The following CPT1B variants were observed in gnomAD, a reference collection of about 807,000 sequenced individuals.
The protein encoded by CPT1B is carnitine O-palmitoyltransferase 1, muscle isoform.
CPT1B carries 57 observed loss-of-function variants against 92.7 expected under a neutral mutation model. The observed-to-expected ratio is 0.62, with a 90% CI of 0.50 to 0.77. The LOEUF (loss-of-function observed/expected upper bound fraction) is 0.77, where lower values mean the gene tolerates loss of function less well. Among genes scored for constraint, CPT1B ranks in the 30% least tolerant of loss-of-function variants. The pLI, the probability that CPT1B is intolerant of heterozygous loss-of-function variation, is 0.00. For synonymous variants in CPT1B, 398 were observed against 383.5 expected, an observed-to-expected ratio of 1.04 and a Z score of -0.44; for missense variants, 983 against 1,017.4, an observed-to-expected ratio of 0.97 and a Z score of 0.46.
In CPT1B at chr22:50,576,611, C is replaced by T. The variant is rs202135722; in HGVS notation, c.486G>A (p.Arg162=). 2.4e-4 allele frequency: 391 copies of T among 1,609,886 alleles called. No homozygotes were observed. Among genetic ancestry groups the T allele is most frequent in the Non-Finnish European group, 3.0e-4 (352 of 1,178,342 alleles). The change falls in exon 5 of 20, where the codon CGG becomes CGA. Residue 162 remains arginine, a synonymous_variant. Transcript: ENST00000312108. ...WAMCIRLLSS[R]HPMLYSFQTS... ...TCTGGAAGCTGTAGAGCATAGGGTGCCGGCTGGATAGAAGGCGGATACACA... is the reference window on the plus strand; with the variant it reads ...TCTGGAAGCTGTAGAGCATAGGGTGTCGGCTGGATAGAAGGCGGATACACA...
chr22:50,575,914 C>T, intron 7 of CPT1B, 121 bp downstream of exon 7: 1 of 899,814 alleles, frequency 1.1e-6, no homozygotes, highest in South Asian at 1.5e-5. Context: ...AGGCCTCACT[C>T]CATAACCCCC....
rs188955785 is a variant in CPT1B, at chr22:50,573,506, C to T, written c.1166+14G>A. On this transcript the variant is annotated intron_variant, in intron 10 of 19. Coordinates refer to ENST00000312108, the MANE Select transcript of CPT1B (RefSeq NM_152246.3). The surrounding 1 kb of genome is among the most constrained non-coding windows in gnomAD (Gnocchi z 5.0). ...AACTCAGGGTGGGGACAGTCCCTTC[C>T]TAGAGGCCAATACCTTCCTCCTGCA... is the stretch of plus-strand genomic sequence containing the variant. The T allele has an allele frequency of 3.1e-6, 5 of 1,593,828 alleles. No homozygotes were observed. Among genetic ancestry groups the T allele is most frequent in the Non-Finnish European group, 4.3e-6 (5 of 1,167,904 alleles).
rs1274257882 is a variant in CPT1B at position 50,572,274 on chromosome 22, T to C, written c.1387A>G (p.Lys463Glu). ...GCATTGAGACCCAACTGGCCATTCT[T>C]GAAGGAAATGAGAGTGAAGGATTTG... ...FDKSFTLISF[K>E]NGQLGLNAEH... The change falls in exon 12 of 20, where the codon AAG becomes GAG. Residue 463 changes from lysine (K) to glutamate (E), a missense_variant. Physicochemically the swap from Lys to Glu is moderately conservative, Grantham distance 56. Transcript: ENST00000312108. 6.2e-7 allele frequency: 1 copy of C among 1,613,788 alleles called. No homozygotes were observed. The highest frequency in any genetic ancestry group is 1.3e-5 in the African/African-American group (1 of 74,902).
chr22:50,575,584 G>A (rs1429880289), intron 7 of CPT1B, among the ~76,000 whole-genome samples: 1 of 152,202 alleles, frequency 6.6e-6, no homozygotes, highest in African/African-American at 2.4e-5. Flanking sequence ...GGCAGAGGCA[G>A]ACTGACTTCC....
rs531926033 is a variant in CPT1B, at chr22:50,570,360, G to A, written c.2075C>T (p.Ser692Phe). 38 of 1,609,120 alleles carry A rather than the reference G, an allele frequency of 2.4e-5. 1 individual carries two copies. The South Asian group carries it at 3.9e-4, about 16-fold the overall frequency. ...CTCTGGGTCGAACATGCGGATCTGG[G>A]ATTGGGGGATCTGGCTGGTGGAGAG... is the stretch of plus-strand genomic sequence containing the variant. ...WRLSTSQIPQ[S>F]QIRMFDPEQH... The change falls in exon 17 of 20, where the codon TCC becomes TTC. Residue 692 changes from serine (S) to phenylalanine (F), a missense_variant. Coordinates refer to ENST00000312108, the MANE Select transcript of CPT1B (RefSeq NM_152246.3).
chr22:50,570,223 G>C, intron 17 of CPT1B, 70 bp downstream of exon 17: 1 of 1,158,552 alleles, frequency 8.6e-7, no homozygotes, highest in Non-Finnish European at 1.2e-6. Context: ...TCTGACCTCA[G>C]GGCCTGCACT....
In CPT1B at chr22:50,576,181, C is replaced by A; in HGVS notation, c.699+17G>T. ...GACACATGGCAGGTGACAGTGAGCC[C>A]AGGGGCAGGAACTTACATAGTTACT... On this transcript the variant is annotated intron_variant, in intron 6 of 19. Coordinates refer to ENST00000312108, the MANE Select transcript of CPT1B (RefSeq NM_152246.3). The A allele has an allele frequency of 6.2e-7, 1 of 1,614,086 alleles. No individual in the cohort carries two copies. The highest frequency in any genetic ancestry group is 8.5e-7 in the Non-Finnish European group (1 of 1,180,022).
chr22:50,571,237 T>C lies in CPT1B; in HGVS notation c.1796A>G (p.Glu599Gly). The C allele has an allele frequency of 6.2e-7, 1 of 1,613,994 alleles. No homozygotes were observed. Among genetic ancestry groups the C allele is most frequent in the Non-Finnish European group, 8.5e-7 (1 of 1,180,020 alleles). The stretch of plus-strand genomic sequence containing the variant: ...GGAACGCACAGTCTCAGTCCGTCCC[T>C]CCCGGAACATTCTGGTCATTGAGGC... The part of the protein sequence containing the change: ...YEASMTRMFR[E>G]GRTETVRSCT... Residue 599 changes from glutamate to glycine, a missense_variant, in exon 15 of 20, where the codon GAG becomes GGG. Physicochemically the swap from Glu to Gly is moderately conservative, Grantham distance 98 (BLOSUM62 -2). Transcript: ENST00000312108.
chr22:50,569,314 G>C (rs1210676653), intron 19 of CPT1B, 22 bp downstream of exon 19: 1 of 1,611,982 alleles, frequency 6.2e-7, no homozygotes, highest in Non-Finnish European at 8.5e-7. Flanking sequence ...GGGGACGAAA[G>C]GGCAGCTGGC....
intron 2 of CPT1B, 151 bp downstream of exon 2, chr22:50,577,624 C>G: frequency 7.1e-7 from 1 of 1,404,942 alleles, no homozygotes; most frequent in Non-Finnish European, 9.7e-7. Context: ...CTGTGTCCGA[C>G]CACATCCTGT....
Position 50,573,850 on chromosome 22 carries a change from A to G in CPT1B, c.971-135T>C. 1.3e-6 allele frequency: 1 copy of G among 799,840 alleles called. No homozygotes were observed. Among genetic ancestry groups the G allele is most frequent in the Non-Finnish European group, 2.2e-6 (1 of 461,548 alleles). 49.5% of individuals were successfully genotyped at this position (799,840 alleles called of 1,614,324 possible). On this transcript the variant is annotated intron_variant, in intron 9 of 19. Coordinates refer to ENST00000312108, the MANE Select transcript of CPT1B (RefSeq NM_152246.3). This position sits in a 1 kb window ranked among gnomAD's most constrained non-coding sequence, Gnocchi z 5.0. ...CTGCCTGGGCCTTCCTGCCCCCTGG[A>G]TGGGATCCGTGTGTCCTAAACCAGG...
chr22:50,571,901 C>T, intron 13 of CPT1B, 105 bp downstream of exon 13: 3 of 1,093,346 alleles, frequency 2.7e-6, no homozygotes, highest in African/African-American at 1.5e-5. Context: ...GAGGGCTGGG[C>T]CAGGCAGTGA....
Position 50,570,322 on chromosome 22 carries a change from G to A in CPT1B, c.2113C>T (p.His705Tyr), listed in dbSNP as rs750225868. The A allele has an allele frequency of 6.3e-7, 1 of 1,599,332 alleles. No homozygotes were observed. Among genetic ancestry groups the A allele is most frequent in the Non-Finnish European group, 8.5e-7 (1 of 1,170,498 alleles). The change falls in exon 17 of 20, where the codon CAC (histidine) becomes TAC (tyrosine). Residue 705 changes from histidine (H) to tyrosine (Y), a missense_variant. Transcript: ENST00000312108. The part of the protein sequence containing the change: ...RMFDPEQHPN[H>Y]LGAGGGFGPV... Reference sequence around the variant, plus strand: ...CCAAAGCCACCTCCAGCGCCCAGGTGATTGGGGTGCTGCTCTGGGTCGAAC... The same window carrying A: ...CCAAAGCCACCTCCAGCGCCCAGGTAATTGGGGTGCTGCTCTGGGTCGAAC...
rs750832334 is a variant in CPT1B, at chr22:50,573,670, TG to T, written c.1015del (p.His339ThrfsTer249). 3 of 1,612,978 alleles carry T rather than the reference TG, an allele frequency of 1.9e-6. No homozygotes were observed. Among genetic ancestry groups the T allele is most frequent in the Non-Finnish European group, 2.5e-6 (3 of 1,179,932 alleles). On this transcript the variant is annotated frameshift_variant, in exon 10 of 20. Transcript: ENST00000312108. LOFTEE classifies it high-confidence loss of function. The surrounding 1 kb of genome is among the most constrained non-coding windows in gnomAD (Gnocchi z 5.0). ...CCACAGCTTGAAGAAGCGTCCCTTG[TG>T]GTAGACAGCCACGTGCCGGCTGTCT... ...LSDSRHVAVY[H>X]KGRFFKLWLY...
rs1443312521 is a variant in CPT1B, at chr22:50,574,617, C to T, written c.778-17G>A. The T allele has an allele frequency of 6.2e-7, 1 of 1,609,340 alleles. No individual in the cohort carries two copies. Among genetic ancestry groups the T allele is most frequent in the East Asian group, 2.2e-5 (1 of 44,868 alleles). ...CACAAGGTCCTACAGAGGAACAGAG[C>T]CCGCGGGGTGGGGGCCTCTGTCTGG... On this transcript the variant is annotated splice_polypyrimidine_tract_variant and intron_variant, in intron 7 of 19. Transcript: ENST00000312108.
At chr22:50,571,344 C>T (rs1055483566) in intron 14 of CPT1B, 31 bp downstream of exon 14, 22 of 1,613,666 alleles carry the variant, frequency 1.4e-5, no homozygotes, top group Non-Finnish European at 1.9e-5. Flanking sequence ...TACCACCCTG[C>T]CCTCTCAGCA....
intron 11 of CPT1B, 91 bp downstream of exon 11, chr22:50,572,784 C>G (rs1401251176): frequency 2.5e-5 from 36 of 1,419,132 alleles, no homozygotes; most frequent in Non-Finnish European, 3.3e-5. Flanking sequence ...GCACCCAGCT[C>G]ATAACCCTAC....
Position 50,577,910 on chromosome 22 carries a change from C to T in CPT1B, c.6G>A (p.Ala2=). The change falls in exon 2 of 20, where the codon GCG becomes GCA. Residue 2 remains alanine, a synonymous_variant. Coordinates refer to ENST00000312108, the MANE Select transcript of CPT1B (RefSeq NM_152246.3). ...GGAAGGCCACGGCCTGGTGAGCTTC[C>T]GCCATCCTGGGGGTTGGTCGGCACC... The part of the protein sequence containing the change: M[A]EAHQAVAFQF... The T allele has an allele frequency of 1.9e-6, 3 of 1,609,554 alleles. No individual in the cohort carries two copies. Among genetic ancestry groups the T allele is most frequent in the Non-Finnish European group, 2.5e-6 (3 of 1,177,244 alleles).
chr22:50,569,463 C>A lies in CPT1B; in HGVS notation c.2236-42G>T, dbSNP rs377725349. The A allele has an allele frequency of 3.0e-5, 48 of 1,611,210 alleles. 1 individual carries two copies. The African/African-American group carries it at 3.9e-4, about 13-fold the overall frequency. ...TTCAGATGCACCTTCAGATATGTAC[C>A]CACCCCTCTGTTCCCACAAGCAAGG... On this transcript the variant is annotated intron_variant, in intron 18 of 19. Coordinates refer to ENST00000312108, the MANE Select transcript of CPT1B (RefSeq NM_152246.3).
Sources: allele counts gnomAD v4.1 joint callset (sites outside exome capture counted in the v4.1 genomes callset), GRCh38; gene constraint gnomAD v4.1.1; non-coding constraint Gnocchi (gnomAD v3.1); transcripts MANE v1.5; gene names NCBI Gene and HGNC (gene_info 2026-07-23, HGNC 2026-07-21).